Variants in PKD2L1 observed in about 807,000 individuals in gnomAD.
PKD2L1 encodes polycystin 2 like 1, transient receptor potential cation channel.
In PKD2L1, 77 loss-of-function variants were observed where a neutral mutation model predicts 93.0. That is an observed-to-expected ratio of 0.83 (90% CI 0.69 to 1.00). The LOEUF (loss-of-function observed/expected upper bound fraction) is 1.00. Among genes scored for constraint, PKD2L1 ranks in the 50% least tolerant of loss-of-function variants. PKD2L1 has a pLI of 0.00. For missense variants in PKD2L1, 977 were observed against 990.9 expected, an observed-to-expected ratio of 0.99 and a Z score of 0.19; for synonymous variants, 390 against 388.0, an observed-to-expected ratio of 1.01 and a Z score of -0.06.
Position 100,330,037 on chromosome 10 carries a change from G to A in PKD2L1, c.67C>T (p.Pro23Ser). 1.2e-6 allele frequency: 2 copies of A among 1,611,964 alleles called. No individual in the cohort carries two copies. The highest frequency in any genetic ancestry group is 1.7e-6 in the Non-Finnish European group (2 of 1,178,650). ...QKLGSGAWDN[P>S]AYSGPPSPHG... ...GGGGAAGGGGGACCACTGTAGGCGG[G>A]GTTGTCCCAGGCTCCACTCCCCAGC... The change falls in exon 1 of 16, where the codon CCC becomes TCC. Residue 23 changes from proline (P) to serine (S), a missense_variant. Transcript: ENST00000318222.
chr10:100,297,702 T>TTTTGTGTG (rs878965086), intron 4 of PKD2L1, 96 bp from the exon 5 acceptor site: 1 of 536,934 alleles, frequency 1.9e-6, no homozygotes, highest in Admixed American at 3.0e-5. Flanking sequence ...GGTTTACATA[T>TTTTGTGTG]TGTGTGTGTG....
At chr10:100,294,787 T>C in intron 8 of PKD2L1, 132 bp from the exon 9 acceptor site, 2 of 1,370,624 alleles carry the variant, frequency 1.5e-6, no homozygotes, top group Non-Finnish European at 2.0e-6. Flanking sequence ...CTTAGATTAT[T>C]TAAGCACACA....
chr10:100,321,389 G>T (rs565277867), intron 2 of PKD2L1, among the ~76,000 whole-genome samples: 20 of 151,844 alleles, frequency 1.3e-4, no homozygotes, highest in Admixed American at 3.3e-4. Flanking sequence ...GAATCCAGGA[G>T]GCAGAAGTTG....
chr10:100,308,746 T>C (rs1016612504), intron 2 of PKD2L1, among the ~76,000 whole-genome samples: 1 of 152,242 alleles, frequency 6.6e-6, no homozygotes, highest in African/African-American at 2.4e-5. Context: ...ACCACTATTC[T>C]ACACTACACT....
intron 2 of PKD2L1, among the ~76,000 whole-genome samples, chr10:100,322,685 G>A (rs1849288367): frequency 1.3e-5 from 2 of 152,178 alleles, no homozygotes; most frequent in South Asian, 2.1e-4. Flanking sequence ...AGAAAGAATA[G>A]TAGTTAGCTA....
intron 2 of PKD2L1, among the ~76,000 whole-genome samples, chr10:100,323,325 G>A (rs551591419): frequency 2.0e-5 from 3 of 152,326 alleles, no homozygotes; most frequent in African/African-American, 7.2e-5. Flanking sequence ...CTGGAGTACA[G>A]TGGCACGATC....
In PKD2L1 at chr10:100,293,141, T is replaced by C. The variant is rs941841840; in HGVS notation, c.1759-72A>G. The stretch of plus-strand genomic sequence containing the variant: ...CATCCCTGGCCCCCAGCCCCACCCA[T>C]AGTATGCCAGGCTTCCAAGGATAAA... On this transcript the variant is annotated intron_variant, in intron 10 of 15. Coordinates refer to ENST00000318222, the MANE Select transcript of PKD2L1 (RefSeq NM_016112.3). The C allele has an allele frequency of 5.7e-6, 9 of 1,590,556 alleles. No individual in the cohort carries two copies. The African/African-American group carries it at 9.4e-5, about 17-fold the overall frequency.
Position 100,296,310 on chromosome 10 carries a change from TG to T in PKD2L1, c.1186-19del. On this transcript the variant is annotated intron_variant, in intron 6 of 15. Coordinates refer to ENST00000318222, the MANE Select transcript of PKD2L1 (RefSeq NM_016112.3). ...ATGGAGAGCTGTCACACAGGGGTCA[TG>T]GGGGTGTCAGAGAAGGCAAGGGGAT... 6.4e-7 allele frequency: 1 copy of T among 1,551,582 alleles called. No individual in the cohort carries two copies. The highest frequency in any genetic ancestry group is 8.7e-7 in the Non-Finnish European group (1 of 1,155,274).
chr10:100,298,384 A>T (rs920077923), intron 4 of PKD2L1, among the ~76,000 whole-genome samples, 178 bp downstream of exon 4: 5 of 152,060 alleles, frequency 3.3e-5, no homozygotes, highest in African/African-American at 1.2e-4. Context: ...TCTGTTCCTG[A>T]GTGACACAGA....
At chr10:100,293,796 C>T (rs1458251401) in intron 9 of PKD2L1, among the ~76,000 whole-genome samples, 1 of 152,138 alleles carries the variant, frequency 6.6e-6, no homozygotes, top group African/African-American at 2.4e-5. Context: ...AAGAAAATTG[C>T]TGGCCTTGTT....
intron 2 of PKD2L1, among the ~76,000 whole-genome samples, chr10:100,301,783 G>T (rs1848683692): frequency 6.6e-6 from 1 of 152,174 alleles, no homozygotes. Flanking sequence ...AGAGATTAAA[G>T]TAAAGACAGG....
chr10:100,314,229 A>G (rs1182828064), intron 2 of PKD2L1, among the ~76,000 whole-genome samples: 2 of 152,208 alleles, frequency 1.3e-5, no homozygotes, highest in Non-Finnish European at 1.5e-5. Flanking sequence ...AAAAGTGGAA[A>G]ATATGATTCC....
At chr10:100,317,707 T>C (rs375820956) in intron 2 of PKD2L1, among the ~76,000 whole-genome samples, 1 of 152,220 alleles carries the variant, frequency 6.6e-6, no homozygotes, top group African/African-American at 2.4e-5. Flanking sequence ...CTTAAGCAAA[T>C]ATGTTTCGGG....
chr10:100,302,825 G>A (rs1848714473), intron 2 of PKD2L1, among the ~76,000 whole-genome samples: 2 of 152,266 alleles, frequency 1.3e-5, no homozygotes, highest in Admixed American at 1.3e-4. Flanking sequence ...TGCTATAAAG[G>A]CTGTCAGTGG....
intron 2 of PKD2L1, among the ~76,000 whole-genome samples, chr10:100,316,608 CTT>C (rs751421637): frequency 2.6e-5 from 4 of 152,230 alleles, no homozygotes; most frequent in Non-Finnish European, 5.9e-5. Context: ...AATAAGCTCT[CTT>C]TGTCTCATCT....
intron 2 of PKD2L1, among the ~76,000 whole-genome samples, chr10:100,321,672 AAAG>A (rs1849233387): frequency 0.013 from 7 of 534 alleles, no homozygotes; most frequent in East Asian, 0.11. Context: ...GAAAAGAAAG[AAAG>A]AAAGAAAGAA....
At chr10:100,298,120 C>T (rs1301957546) in intron 4 of PKD2L1, among the ~76,000 whole-genome samples, 1 of 152,146 alleles carries the variant, frequency 6.6e-6, no homozygotes, top group African/African-American at 2.4e-5. Context: ...CTTATTTCCT[C>T]CCTCTTCTGT....
At chr10:100,292,501 A>C (rs1423782643) in intron 11 of PKD2L1, among the ~76,000 whole-genome samples, 1 of 152,106 alleles carries the variant, frequency 6.6e-6, no homozygotes, top group Non-Finnish European at 1.5e-5. Flanking sequence ...TCAAAAAAAA[A>C]AAAAAAATTA....
intron 2 of PKD2L1, among the ~76,000 whole-genome samples, chr10:100,323,096 G>A (rs992780420): frequency 1.3e-5 from 2 of 152,110 alleles, no homozygotes; most frequent in Non-Finnish European, 2.9e-5. Context: ...TGGTGGTGGC[G>A]GTTGTGATAA....
Sources: gnomAD v4.1 joint callset for allele counts (sites outside exome capture counted in the v4.1 genomes callset) on GRCh38, gnomAD v4.1.1 for gene constraint, MANE v1.5 for transcripts, NCBI Gene and HGNC (gene_info 2026-07-23, HGNC 2026-07-21) for gene names.